ZNF678: variants seen among roughly 807,000 people sequenced by gnomAD.
ZNF678 encodes hypothetical protein MGC42493.
ZNF678 carries 5 observed loss-of-function variants against 3.0 expected under a neutral mutation model. That is an observed-to-expected ratio of 1.69 (90% CI 0.88 to 3.56). ZNF678 has a LOEUF of 3.56. Among genes scored for constraint, ZNF678 ranks in the 30% most tolerant of loss-of-function variants. The probability of loss-of-function intolerance (pLI) is 0.00; values close to 1 mark genes in which losing one functional copy is unlikely to be tolerated. For synonymous variants in ZNF678, 218 were observed against 199.6 expected, an observed-to-expected ratio of 1.09 and a Z score of -0.78; for missense variants, 593 against 605.0, an observed-to-expected ratio of 0.98 and a Z score of 0.21.
At position 227,674,727 on chromosome 1, in the gene ZNF678, C is replaced by T. The variant is rs187916387; in HGVS notation, c.227-2452C>T. Among the ~76,000 whole-genome samples the T allele has an allele frequency of 7.0e-4, 106 of 151,706 alleles. 3 individuals are homozygous for T. In the East Asian group the frequency reaches 0.018, roughly 26 times the overall value. ...AAGCGATTCTCCTGCCTCAGCCTTC[C>T]GAGTAGCTAGGATTACAGGCGCCTG... On this transcript the variant is annotated intron_variant, in intron 5 of 5. Coordinates refer to the ZNF678 transcript ENST00000608949.
chr1:227,588,772 T>C (rs1016316489), intron 1 of ZNF678, among the ~76,000 whole-genome samples: 16 of 152,302 alleles, frequency 1.1e-4, no homozygotes, highest in Admixed American at 2.0e-4. Flanking sequence ...CCCAAAGTGC[T>C]GGGATTACAG....
intron 5 of ZNF678, among the ~76,000 whole-genome samples, chr1:227,667,832 G>A (rs955627888): frequency 6.6e-6 from 1 of 152,090 alleles, no homozygotes; most frequent in Non-Finnish European, 1.5e-5. Context: ...CTTCAATAAT[G>A]TGATGAAACA....
intron 5 of ZNF678, among the ~76,000 whole-genome samples, chr1:227,672,267 G>A (rs1311579275): frequency 6.6e-6 from 1 of 152,098 alleles, no homozygotes; most frequent in Non-Finnish European, 1.5e-5. Flanking sequence ...TGAGATTAGG[G>A]AACAGTAGGG....
chr1:227,661,278 G>T lies in ZNF678; in HGVS notation c.*5450G>T, dbSNP rs555088499. The T allele has an allele frequency of 1.4e-4, 20 of 147,556 alleles. No individual in the cohort carries two copies. The East Asian group carries it at 1.7e-3, about 12-fold the overall frequency. 9.1% of individuals were successfully genotyped at this position (147,556 alleles called of 1,614,324 possible). On this transcript the variant is annotated 3_prime_UTR_variant, in exon 4 of 4. Coordinates refer to ENST00000343776, the MANE Select transcript of ZNF678 (RefSeq NM_001367909.1). ...GAACGTGGGACCTTTGTTTTTTTTT[G>T]TTGTTTTGTTTTGTTTTGTTTTTGT...
At chr1:227,643,511 C>T (rs1219391579) in intron 1 of ZNF678, among the ~76,000 whole-genome samples, 3 of 152,120 alleles carry the variant, frequency 2.0e-5, no homozygotes, top group Non-Finnish European at 4.4e-5. Context: ...CCTGGCATTT[C>T]CCCTCACGCA....
chr1:227,631,275 G>A (rs570318770), intron 1 of ZNF678, among the ~76,000 whole-genome samples: 4 of 152,182 alleles, frequency 2.6e-5, no homozygotes, highest in East Asian at 1.9e-4. Flanking sequence ...TCTGCTTATC[G>A]GATTAGTTAT....
intron 1 of ZNF678, among the ~76,000 whole-genome samples, chr1:227,620,887 G>C (rs1230737184): frequency 6.6e-6 from 1 of 152,156 alleles, no homozygotes; most frequent in Non-Finnish European, 1.5e-5. Context: ...AAGGTGTAGG[G>C]AATGGGACAT....
chr1:227,641,809 T>C (rs1229162956), intron 1 of ZNF678, among the ~76,000 whole-genome samples: 1 of 152,146 alleles, frequency 6.6e-6, no homozygotes, highest in Admixed American at 6.5e-5. Flanking sequence ...CAGCTCTTTC[T>C]TTTAATGCCC....
chr1:227,629,881 GC>G (rs1157242095), intron 1 of ZNF678, among the ~76,000 whole-genome samples: 1 of 151,944 alleles, frequency 6.6e-6, no homozygotes, highest in Non-Finnish European at 1.5e-5. Flanking sequence ...AATTTGCCCA[GC>G]CTTTCCCTTT....
chr1:227,635,148 C>T (rs892794669), intron 1 of ZNF678, among the ~76,000 whole-genome samples: 1 of 151,574 alleles, frequency 6.6e-6, no homozygotes, highest in Admixed American at 6.6e-5. Context: ...ATGCTTTTCT[C>T]CCTTTTTATA....
chr1:227,647,047 G>A (rs965131407), intron 2 of ZNF678, among the ~76,000 whole-genome samples: 6 of 152,282 alleles, frequency 3.9e-5, no homozygotes, highest in Middle Eastern at 3.4e-3. Context: ...GAAGTCAGGA[G>A]TTCGAGACCA....
rs1227640878 is a variant in ZNF678 at position 227,660,801 on chromosome 1, C to T, written c.*4973C>T. Reference sequence around the variant, plus strand: ...CTATAACTCTTAGAAAAAAGGCTTACAACTTTTGAAGGTTTAGCATGATGT... The same window carrying T: ...CTATAACTCTTAGAAAAAAGGCTTATAACTTTTGAAGGTTTAGCATGATGT... On this transcript the variant is annotated 3_prime_UTR_variant, in exon 4 of 4. Coordinates refer to ENST00000343776, the MANE Select transcript of ZNF678 (RefSeq NM_001367909.1). 1 of 152,190 alleles carries T rather than the reference C, an allele frequency of 6.6e-6. No individual in the cohort carries two copies. The highest frequency in any genetic ancestry group is 1.9e-4 in the East Asian group (1 of 5,206). 9.4% of individuals were successfully genotyped at this position (152,190 alleles called of 1,614,324 possible). A position where few individuals can be genotyped will look rare whatever the true frequency, so the allele number is the denominator to read the frequency against.
At chr1:227,593,508 G>C (rs571378656) in intron 1 of ZNF678, among the ~76,000 whole-genome samples, 11 of 152,208 alleles carry the variant, frequency 7.2e-5, no homozygotes, top group African/African-American at 2.6e-4. Flanking sequence ...GTTGGCACTG[G>C]GGTCTTTATC....
intron 1 of ZNF678, among the ~76,000 whole-genome samples, chr1:227,640,692 C>T (rs12138942): frequency 0.21 from 31,955 of 151,922 alleles, 3,518 homozygotes; most frequent in East Asian, 0.28. Flanking sequence ...CAGGCTGTAT[C>T]GCAAAAAAAG....
intron 1 of ZNF678, among the ~76,000 whole-genome samples, chr1:227,594,606 T>A (rs1657512450): frequency 6.6e-6 from 1 of 152,254 alleles, no homozygotes; most frequent in Non-Finnish European, 1.5e-5. Flanking sequence ...TAGGTAAAAA[T>A]TTATAGTCTT....
chr1:227,612,389 G>A (rs927821010), intron 1 of ZNF678, among the ~76,000 whole-genome samples: 3 of 152,136 alleles, frequency 2.0e-5, no homozygotes, highest in African/African-American at 7.2e-5. Flanking sequence ...ATCACTAATG[G>A]GTAATCAGTG....
chr1:227,603,104 C>A (rs1350298786), intron 1 of ZNF678, among the ~76,000 whole-genome samples: 1 of 152,218 alleles, frequency 6.6e-6, no homozygotes, highest in Non-Finnish European at 1.5e-5. Flanking sequence ...CTTGCAGGTA[C>A]TGCCTGGCTG....
At chr1:227,576,757 G>A (rs1222737774) in intron 1 of ZNF678, among the ~76,000 whole-genome samples, 1 of 152,018 alleles carries the variant, frequency 6.6e-6, no homozygotes, top group East Asian at 1.9e-4. Context: ...TCTGATTTTG[G>A]TTATGTCTTG....
In ZNF678 at chr1:227,654,822, A is replaced by G. The variant is rs749113929; in HGVS notation, c.572A>G (p.Asn191Ser). Residue 191 changes from asparagine (N) to serine (S), a missense_variant, in exon 4 of 4, where the codon AAT becomes AGT. By Grantham distance (46) the Asn-to-Ser change is conservative. Transcript: ENST00000343776. ...TGTGATGAATGTGACAAAGTTTTTAATTGGTGGTCACAACTAACTAGCCAT... is the reference window on the plus strand; with the variant it reads ...TGTGATGAATGTGACAAAGTTTTTAGTTGGTGGTCACAACTAACTAGCCAT... ...YKCDECDKVF[N>S]WWSQLTSHKK... 6.2e-7 allele frequency: 1 copy of G among 1,605,522 alleles called. No individual in the cohort carries two copies.
Sources: gnomAD v4.1 joint callset for allele counts (sites outside exome capture counted in the v4.1 genomes callset) on GRCh38, gnomAD v4.1.1 for gene constraint, MANE v1.5 for transcripts, NCBI Gene and HGNC (gene_info 2026-07-23, HGNC 2026-07-21) for gene names.